The following IGF2BP2 variants were observed in gnomAD, a reference collection of about 807,000 sequenced individuals.
IGF2BP2 encodes insulin like growth factor 2 mRNA binding protein 2, also known as insulin-like growth factor 2 mRNA-binding protein 2.
In IGF2BP2, 17 loss-of-function variants were observed where a neutral mutation model predicts 75.8. The ratio of observed to expected loss-of-function variants is 0.22; its 90% confidence interval spans 0.15 to 0.34. The LOEUF (loss-of-function observed/expected upper bound fraction) is 0.34, where lower values mean the gene tolerates loss of function less well. IGF2BP2 is among the 10% of genes least tolerant of loss of function. The probability of loss-of-function intolerance (pLI) is 1.00; values close to 1 mark genes in which losing one functional copy is unlikely to be tolerated. For synonymous variants in IGF2BP2, 288 were observed against 295.6 expected (o/e 0.97, Z 0.26); for missense variants, 516 against 772.4 (o/e 0.67, Z 3.93).
chr3:185,681,088 C>A (rs909856801), intron 7 of IGF2BP2, among the ~76,000 whole-genome samples: 2 of 151,926 alleles, frequency 1.3e-5, no homozygotes, highest in Non-Finnish European at 2.9e-5. Flanking sequence ...GAAGTCCTAG[C>A]CAGAGCAATT....
At chr3:185,757,691 C>T (rs1380976633) in intron 2 of IGF2BP2, among the ~76,000 whole-genome samples, 1 of 152,052 alleles carries the variant, frequency 6.6e-6, no homozygotes, top group African/African-American at 2.4e-5. Flanking sequence ...TCTCAAACTC[C>T]TAGCCTTAAA....
chr3:185,676,298 A>G (rs987585792), intron 7 of IGF2BP2, among the ~76,000 whole-genome samples: 1 of 152,176 alleles, frequency 6.6e-6, no homozygotes, highest in African/African-American at 2.4e-5. Flanking sequence ...ACACACCTCA[A>G]ATTAACAAGA....
intron 2 of IGF2BP2, among the ~76,000 whole-genome samples, chr3:185,806,440 T>A (rs2149980869): frequency 6.6e-6 from 1 of 152,274 alleles, no homozygotes; most frequent in Middle Eastern, 3.4e-3. Context: ...TTTCTAAGCC[T>A]CAGTCTACAC....
chr3:185,788,914 T>C (rs1448382374), intron 2 of IGF2BP2, among the ~76,000 whole-genome samples: 1 of 152,000 alleles, frequency 6.6e-6, no homozygotes, highest in Admixed American at 6.6e-5. Context: ...GTGTTCACCA[T>C]GTTGCCCAGG....
At chr3:185,715,830 G>C (rs1430806029) in intron 2 of IGF2BP2, among the ~76,000 whole-genome samples, 1 of 152,028 alleles carries the variant, frequency 6.6e-6, no homozygotes, top group East Asian at 1.9e-4. Flanking sequence ...ATTTTTAGTA[G>C]AGACGGGGTT....
At chr3:185,710,444 A>G (rs569375486) in intron 2 of IGF2BP2, among the ~76,000 whole-genome samples, 4 of 152,116 alleles carry the variant, frequency 2.6e-5, no homozygotes, top group Non-Finnish European at 1.5e-5. Flanking sequence ...GAAAGTAAAA[A>G]AAGACTGGCC....
chr3:185,721,127 G>A (rs1315236495), intron 2 of IGF2BP2, among the ~76,000 whole-genome samples: 1 of 152,040 alleles, frequency 6.6e-6, no homozygotes, highest in Non-Finnish European at 1.5e-5. Flanking sequence ...ATTAGTGTGT[G>A]GATTTTAACC....
chr3:185,814,706 CTT>C (rs747754466), intron 2 of IGF2BP2, among the ~76,000 whole-genome samples: 7 of 152,128 alleles, frequency 4.6e-5, no homozygotes, highest in Non-Finnish European at 1.0e-4. Context: ...AAGAAAACCT[CTT>C]ATATATCTCA....
At chr3:185,751,126 C>T (rs1453768611) in intron 2 of IGF2BP2, among the ~76,000 whole-genome samples, 1 of 152,200 alleles carries the variant, frequency 6.6e-6, no homozygotes, top group Non-Finnish European at 1.5e-5. Flanking sequence ...GGCACAAGAA[C>T]CACTTGAACC....
chr3:185,735,629 C>T (rs148395345), intron 2 of IGF2BP2, among the ~76,000 whole-genome samples: 66 of 152,282 alleles, frequency 4.3e-4, no homozygotes, highest in African/African-American at 1.4e-3. Flanking sequence ...AGAGTTCCTC[C>T]GGGAGGAGAT....
intron 2 of IGF2BP2, among the ~76,000 whole-genome samples, chr3:185,730,136 CCTTTGTGTTCCCAGTGT>C (rs1727946596): frequency 6.6e-6 from 1 of 152,112 alleles, no homozygotes; most frequent in Admixed American, 6.5e-5. Context: ...CACCCTTTCC[CCTTTGTGTTCCCAGTGT>C]CTGCTATTTT....
chr3:185,748,269 A>G (rs1730523668), intron 2 of IGF2BP2, among the ~76,000 whole-genome samples: 1 of 152,164 alleles, frequency 6.6e-6, no homozygotes, highest in Non-Finnish European at 1.5e-5. Context: ...TAGAGGAAGG[A>G]ACTGGGGGGT....
intron 2 of IGF2BP2, among the ~76,000 whole-genome samples, chr3:185,798,952 T>C (rs1339792750): frequency 6.6e-6 from 1 of 151,978 alleles, no homozygotes; most frequent in East Asian, 2.0e-4. Context: ...AATTCTTGTA[T>C]TTTTTGTAGC....
At position 185,696,677 on chromosome 3, in the gene IGF2BP2, C is replaced by T. The variant is rs764944942; in HGVS notation, c.289-14G>A. 1 of 1,612,502 alleles carries T rather than the reference C, an allele frequency of 6.2e-7. No homozygotes were observed. On this transcript the variant is annotated splice_polypyrimidine_tract_variant and intron_variant, in intron 3 of 15. Transcript: ENST00000382199. The stretch of plus-strand genomic sequence containing the variant: ...TCCATCCAACACCTAAAAGAGAAAG[C>T]TTCCATGTCAGAATGGGAAGGCAAG...
chr3:185,724,019 T>C lies in IGF2BP2; in HGVS notation c.240-25672A>G, dbSNP rs968080126. Among the ~76,000 whole-genome samples the C allele has an allele frequency of 4.9e-4, 74 of 152,220 alleles. 1 individual carries two copies. The highest frequency in any genetic ancestry group is 1.7e-3 in the African/African-American group (72 of 41,540). ...GCGCCAGACTATGCAGAGACAAATT[T>C]CGGTAACTCTACGTGGGGCTGCAAT... On this transcript the variant is annotated intron_variant, in intron 2 of 15. Transcript: ENST00000382199.
intron 2 of IGF2BP2, among the ~76,000 whole-genome samples, chr3:185,701,358 C>T (rs1455678081): frequency 7.4e-6 from 1 of 135,756 alleles, no homozygotes; most frequent in Admixed American, 7.6e-5. Context: ...TATACTGGAA[C>T]CTGCTAAGTA....
At chr3:185,658,505 T>TTTTTTA in intron 10 of IGF2BP2, 96 bp from the exon 11 acceptor site, 1 of 1,008,398 alleles carries the variant, frequency 9.9e-7, no homozygotes, top group Admixed American at 2.1e-5. Context: ...ACAGGCTCTC[T>TTTTTTA]GTGGCATCAG....
chr3:185,780,868 A>G (rs1321092978), intron 2 of IGF2BP2, among the ~76,000 whole-genome samples: 1 of 152,210 alleles, frequency 6.6e-6, no homozygotes, highest in Non-Finnish European at 1.5e-5. Flanking sequence ...GGACTATCTA[A>G]CCAGTAAGTG....
At chr3:185,701,667 G>A (rs1414535153) in intron 2 of IGF2BP2, among the ~76,000 whole-genome samples, 3 of 152,164 alleles carry the variant, frequency 2.0e-5, no homozygotes, top group Non-Finnish European at 4.4e-5. Flanking sequence ...TTCAGTAACT[G>A]GGAATGTCCT....
Sources: allele counts gnomAD v4.1 joint callset (sites outside exome capture counted in the v4.1 genomes callset), GRCh38; gene constraint gnomAD v4.1.1; transcripts MANE v1.5; gene names NCBI Gene and HGNC (gene_info 2026-07-23, HGNC 2026-07-21).